Variants in CDH2 observed in about 807,000 individuals in gnomAD.
CDH2 encodes the protein cadherin-2.
In CDH2, 17 loss-of-function variants were observed where a neutral mutation model predicts 92.0. The observed-to-expected ratio is 0.18, with a 90% CI of 0.13 to 0.28. The LOEUF (loss-of-function observed/expected upper bound fraction) is 0.28, where lower values mean the gene tolerates loss of function less well. Ranked by LOEUF, CDH2 falls within the 10% of genes least tolerant of loss-of-function variation. The pLI is 1.00. For missense variants in CDH2, 862 were observed against 1,133.1 expected, an observed-to-expected ratio of 0.76 and a Z score of 3.44; for synonymous variants, 419 against 415.9, an observed-to-expected ratio of 1.01 and a Z score of -0.09.
At chr18:28,112,222 C>G (rs1175783856) in intron 2 of CDH2, among the ~76,000 whole-genome samples, 3 of 152,264 alleles carry the variant, frequency 2.0e-5, no homozygotes, top group East Asian at 3.9e-4. Flanking sequence ...AAATGCAAGA[C>G]TCTGTGTCTC....
intron 2 of CDH2, among the ~76,000 whole-genome samples, chr18:28,069,295 A>G (rs2014571715): frequency 6.6e-6 from 1 of 152,194 alleles, no homozygotes; most frequent in African/African-American, 2.4e-5. Context: ...GTTTGAGGCA[A>G]CAATCTAAAA....
chr18:28,145,527 T>C (rs2016022021), intron 2 of CDH2, among the ~76,000 whole-genome samples: 1 of 152,062 alleles, frequency 6.6e-6, no homozygotes, highest in Admixed American at 6.6e-5. Flanking sequence ...CTTCAGTGTA[T>C]AGCTATAGCA....
rs148041225 is a variant in CDH2, at chr18:28,007,797, C to T, written c.703-1804G>A. On this transcript the variant is annotated intron_variant, in intron 5 of 15. Transcript: ENST00000269141. The stretch of plus-strand genomic sequence containing the variant: ...GGGTAAGAGTGCATTGGCACGATCT[C>T]GGCTTAACTGCAACCTCTGCCTCCC... 2.2e-3 allele frequency among the ~76,000 whole-genome samples: 329 copies of T among 152,228 alleles called. 2 individuals carry two copies. The highest frequency in any genetic ancestry group is 7.5e-3 in the African/African-American group (312 of 41,554).
intron 2 of CDH2, among the ~76,000 whole-genome samples, chr18:28,050,203 C>G (rs1233598611): frequency 6.6e-6 from 1 of 152,130 alleles, no homozygotes; most frequent in African/African-American, 2.4e-5. Context: ...GTGGCAAATG[C>G]TAACTGAGAA....
At chr18:27,955,118 T>G (rs1206455879) in intron 15 of CDH2, among the ~76,000 whole-genome samples, 1 of 152,134 alleles carries the variant, frequency 6.6e-6, no homozygotes, top group African/African-American at 2.4e-5. Context: ...GATCACTTTG[T>G]TCAGGTCATC....
intron 2 of CDH2, among the ~76,000 whole-genome samples, chr18:28,022,714 T>C (rs1382600658): frequency 6.6e-6 from 1 of 152,162 alleles, no homozygotes; most frequent in Non-Finnish European, 1.5e-5. Context: ...TCCTATTAAG[T>C]ACTTCAAAAT....
chr18:27,933,082 G>A (rs752011985), exon 7 of CDH2, among the ~76,000 whole-genome samples: 21 of 152,004 alleles, frequency 1.4e-4, no homozygotes, highest in African/African-American at 2.9e-4. Context: ...TGGTGCCCAC[G>A]AAGCCAAGGT....
chr18:28,007,918 T>G (rs963105806), intron 5 of CDH2, among the ~76,000 whole-genome samples: 3 of 152,100 alleles, frequency 2.0e-5, no homozygotes, highest in Non-Finnish European at 2.9e-5. Flanking sequence ...ATTTTTAGTA[T>G]AGACAGGGTT....
intron 2 of CDH2, among the ~76,000 whole-genome samples, chr18:28,032,715 A>G (rs2013728072): frequency 6.6e-6 from 1 of 152,146 alleles, no homozygotes; most frequent in Admixed American, 6.6e-5. Context: ...GTAGCAAAAC[A>G]AAAGGTCACA....
chr18:28,096,919 C>A (rs935837975), intron 2 of CDH2: 1 of 152,214 alleles, frequency 6.6e-6, no homozygotes, highest in African/African-American at 2.4e-5. Context: ...AATTAAAAAT[C>A]TGCCAATGTA....
chr18:28,162,229 C>T (rs553061511), intron 1 of CDH2, among the ~76,000 whole-genome samples: 2 of 152,146 alleles, frequency 1.3e-5, no homozygotes, highest in East Asian at 3.9e-4. Context: ...GAAGTTGGTC[C>T]AAATAACATT....
At chr18:27,978,333 T>C (rs1403580089) in intron 14 of CDH2, among the ~76,000 whole-genome samples, 1 of 152,038 alleles carries the variant, frequency 6.6e-6, no homozygotes, top group Non-Finnish European at 1.5e-5. Flanking sequence ...CGAAACAACA[T>C]GGGATTGACT....
At chr18:28,041,439 T>C (rs1287139902) in intron 2 of CDH2, among the ~76,000 whole-genome samples, 1 of 152,226 alleles carries the variant, frequency 6.6e-6, no homozygotes, top group Non-Finnish European at 1.5e-5. Flanking sequence ...GGATTTCTAC[T>C]GAATACTTTC....
chr18:27,997,870 A>G (rs1198565737), intron 7 of CDH2, among the ~76,000 whole-genome samples: 1 of 151,850 alleles, frequency 6.6e-6, no homozygotes, highest in Non-Finnish European at 1.5e-5. Context: ...GCAGTGGCAC[A>G]ATCTCGGCTC....
intron 6 of CDH2, among the ~76,000 whole-genome samples, chr18:27,934,378 A>C (rs1908972682): frequency 6.6e-6 from 1 of 152,140 alleles, no homozygotes; most frequent in Non-Finnish European, 1.5e-5. Flanking sequence ...ATTTCTTTTC[A>C]AACCAATGAA....
chr18:27,933,810 C>G (rs1908959620), intron 6 of CDH2, among the ~76,000 whole-genome samples: 2 of 152,120 alleles, frequency 1.3e-5, no homozygotes, highest in South Asian at 2.1e-4. Context: ...TGCATATTTT[C>G]TAAGAAATTT....
At chr18:28,103,455 T>C (rs1259092245) in intron 2 of CDH2, among the ~76,000 whole-genome samples, 4 of 138,948 alleles carry the variant, frequency 2.9e-5, no homozygotes, top group African/African-American at 8.1e-5. Context: ...TATATATATA[T>C]ATACACATAA....
At chr18:28,015,859 G>T (rs2144043338) in intron 2 of CDH2, among the ~76,000 whole-genome samples, 1 of 152,264 alleles carries the variant, frequency 6.6e-6, no homozygotes, top group Middle Eastern at 3.4e-3. Context: ...TTAACCTAGA[G>T]TACAATGCTC....
chr18:28,129,795 T>C (rs1381939317), intron 2 of CDH2, among the ~76,000 whole-genome samples: 2 of 152,152 alleles, frequency 1.3e-5, no homozygotes, highest in Admixed American at 6.6e-5. Flanking sequence ...TACATTTATC[T>C]CCAAAAATCA....
Sources: allele counts gnomAD v4.1 joint callset (sites outside exome capture counted in the v4.1 genomes callset), GRCh38; gene constraint gnomAD v4.1.1; transcripts MANE v1.5; gene names NCBI Gene and HGNC (gene_info 2026-07-23, HGNC 2026-07-21).